The following GGNBP2 variants were observed in gnomAD, a reference collection of about 807,000 sequenced individuals.
The protein encoded by GGNBP2 is gametogenetin binding protein 2, also known as gametogenetin-binding protein 2.
A neutral mutation model predicts 85.9 loss-of-function variants in GGNBP2; 10 were observed. That is an observed-to-expected ratio of 0.12 (90% CI 0.07 to 0.20). GGNBP2 has a LOEUF of 0.20. Among genes scored for constraint, GGNBP2 ranks in the 10% least tolerant of loss-of-function variants. GGNBP2 has a pLI of 1.00. For missense variants in GGNBP2, 595 were observed against 857.8 expected, an observed-to-expected ratio of 0.69 and a Z score of 3.83; for synonymous variants, 287 against 285.7, an observed-to-expected ratio of 1.00 and a Z score of -0.05.
chr17:36,585,853 C>T lies in GGNBP2; in HGVS notation c.1380C>T (p.His460=), dbSNP rs774345453. The T allele has an allele frequency of 1.2e-6, 2 of 1,612,940 alleles. No homozygotes were observed. Among genetic ancestry groups the T allele is most frequent in the Admixed American group, 1.7e-5 (1 of 59,996 alleles). The change falls in exon 11 of 14, where the codon CAC becomes CAT. Residue 460 remains histidine, a synonymous_variant. Transcript: ENST00000613102. The part of the protein sequence containing the change: ...SPKIKKGLSP[H]CNGSDCGYSS... ...ATTTATTCTCAGGCTTATCTCCACA[C>T]TGTAATGGTAGTGATTGTGGATATT...
In GGNBP2 at chr17:36,548,944, C is replaced by CA. The variant is rs536956341; in HGVS notation, c.93+3138dup. 2.4e-3 allele frequency among the ~76,000 whole-genome samples: 347 copies of CA among 143,454 alleles called. 1 individual carries two copies. The highest frequency in any genetic ancestry group is 9.0e-3 in the South Asian group (41 of 4,558). 94.1% of individuals were successfully genotyped at this position (143,454 alleles called of 152,430 possible). On this transcript the variant is annotated intron_variant, in intron 2 of 13. Coordinates refer to ENST00000613102, the MANE Select transcript of GGNBP2 (RefSeq NM_024835.5). ...TGGGAGACAAAGTGAAACTCCGTTT[C>CA]AAAAAAAAAAATAGCCTCTTCTTTT...
chr17:36,582,939 CTA>C (rs2074665219), intron 9 of GGNBP2, among the ~76,000 whole-genome samples: 1 of 152,022 alleles, frequency 6.6e-6, no homozygotes, highest in Non-Finnish European at 1.5e-5. Context: ...ATAATGTTAA[CTA>C]AATATTTTTT....
rs760391418 is a variant in GGNBP2 at position 36,579,407 on chromosome 17, C to T, written c.1008C>T (p.Arg336=). ...MLFYLGVDAL[R]KSFEMTVEKV... ...TCTATCTTGGTGTTGATGCTTTACG[C>T]AAGAGTTTTGAGGTAAGAACAGTGG... Residue 336 remains arginine (R), a synonymous_variant, in exon 8 of 14, where the codon CGC becomes CGT. Transcript: ENST00000613102. 20 of 1,613,884 alleles carry T rather than the reference C, an allele frequency of 1.2e-5. No individual in the cohort carries two copies. In the Admixed American group the frequency reaches 3.2e-4, roughly 26 times the overall value.
chr17:36,589,493 G>T lies in GGNBP2; in HGVS notation c.*82G>T. Reference sequence around the variant, plus strand: ...TCTTTCGAAAAACTCTTAATTTAGTGACTTATGGCAAAATTTTATCTTAAA... The same window carrying T: ...TCTTTCGAAAAACTCTTAATTTAGTTACTTATGGCAAAATTTTATCTTAAA... On this transcript the variant is annotated 3_prime_UTR_variant, in exon 14 of 14. Transcript: ENST00000613102. 2 of 1,014,100 alleles carry T rather than the reference G, an allele frequency of 2.0e-6. No individual in the cohort carries two copies. The highest frequency in any genetic ancestry group is 2.8e-5 in the South Asian group (2 of 71,616). 62.8% of individuals were successfully genotyped at this position (1,014,100 alleles called of 1,614,324 possible).
intron 6 of GGNBP2, chr17:36,575,437 TG>T (rs1254130612): frequency 1.2e-5 from 2 of 166,918 alleles, no homozygotes; most frequent in African/African-American, 4.8e-5. Context: ...GTTTCCCCTA[TG>T]TTTTCTTCTA....
intron 9 of GGNBP2, among the ~76,000 whole-genome samples, chr17:36,584,823 G>A (rs2074684599): frequency 6.6e-6 from 1 of 152,092 alleles, no homozygotes; most frequent in East Asian, 1.9e-4. Flanking sequence ...GCCTGGTGGT[G>A]TGCTTCTGTA....
chr17:36,563,450 C>T (rs569847306), intron 5 of GGNBP2, among the ~76,000 whole-genome samples: 8 of 152,128 alleles, frequency 5.3e-5, no homozygotes, highest in African/African-American at 1.7e-4. Context: ...TCCCAGGCTT[C>T]GTGTTACTCT....
chr17:36,575,400 T>G, intron 6 of GGNBP2: 1 of 272,034 alleles, frequency 3.7e-6, no homozygotes, highest in Non-Finnish European at 7.2e-6. Context: ...AGCCAGGAAA[T>G]CATCACTTAG....
Position 36,578,041 on chromosome 17 carries a change from C to G in GGNBP2, c.700C>G (p.Leu234Val). The G allele has an allele frequency of 6.2e-7, 1 of 1,614,108 alleles. No individual in the cohort carries two copies. Among genetic ancestry groups the G allele is most frequent in the Non-Finnish European group, 8.5e-7 (1 of 1,180,002 alleles). ...LRAYNILIGE[L>V]DCSKEKGYCA... ...AGCATACAATATCCTTATTGGTGAACTTGACTGCAGCAAAGAAAAGGGCTA... is the reference window on the plus strand; with the variant it reads ...AGCATACAATATCCTTATTGGTGAAGTTGACTGCAGCAAAGAAAAGGGCTA... Residue 234 changes from leucine to valine, a missense_variant, in exon 7 of 14, where the codon CTT becomes GTT. Transcript: ENST00000613102.
chr17:36,551,449 C>A (rs1025627758), intron 2 of GGNBP2, among the ~76,000 whole-genome samples: 1 of 151,960 alleles, frequency 6.6e-6, no homozygotes, highest in Non-Finnish European at 1.5e-5. Context: ...GGTGATCCAC[C>A]CGCCTGGGCC....
chr17:36,574,016 C>T (rs1056363721), intron 6 of GGNBP2, among the ~76,000 whole-genome samples: 6 of 151,890 alleles, frequency 4.0e-5, no homozygotes, highest in Non-Finnish European at 7.4e-5. Flanking sequence ...TGGCTATTAA[C>T]CCCTTATTCA....
At chr17:36,549,225 C>G (rs1352394932) in intron 2 of GGNBP2, among the ~76,000 whole-genome samples, 1 of 149,996 alleles carries the variant, frequency 6.7e-6, no homozygotes, top group African/African-American at 2.5e-5. Context: ...TTTTTTGAGA[C>G]ACAGTCTCGC....
chr17:36,566,384 G>A (rs2074468779), intron 5 of GGNBP2, among the ~76,000 whole-genome samples: 1 of 152,210 alleles, frequency 6.6e-6, no homozygotes, highest in African/African-American at 2.4e-5. Context: ...ATAGGGCTGG[G>A]CTTGGTGGCT....
chr17:36,565,436 A>ATT (rs567450384), intron 5 of GGNBP2, among the ~76,000 whole-genome samples: 1 of 151,868 alleles, frequency 6.6e-6, no homozygotes. Flanking sequence ...TGAGATACAG[A>ATT]TTTTTTTTAT....
chr17:36,545,421 G>C (rs1383339052), intron 1 of GGNBP2, 198 bp from the exon 2 acceptor site: 3 of 355,814 alleles, frequency 8.4e-6, no homozygotes, highest in Admixed American at 9.6e-5. Flanking sequence ...GCGGGCGGGC[G>C]GGAGAGAGGG....
chr17:36,585,643 G>A (rs561029925), intron 10 of GGNBP2, 193 bp downstream of exon 10: 20 of 610,524 alleles, frequency 3.3e-5, no homozygotes, highest in Admixed American at 3.0e-4. Context: ...TGACAAAAAC[G>A]AAAAATGGTA....
intron 6 of GGNBP2, among the ~76,000 whole-genome samples, chr17:36,575,645 TATA>T (rs1448433061): frequency 2.9e-3 from 165 of 55,940 alleles, no homozygotes; most frequent in Non-Finnish European, 4.2e-3. Flanking sequence ...TATATATATA[TATA>T]TTTTTTTTTT....
At chr17:36,548,271 G>A (rs1395445198) in intron 2 of GGNBP2, among the ~76,000 whole-genome samples, 5 of 152,108 alleles carry the variant, frequency 3.3e-5, no homozygotes, top group Non-Finnish European at 5.9e-5. Context: ...AGTTAAACTG[G>A]CAGTTGTAAT....
intron 9 of GGNBP2, among the ~76,000 whole-genome samples, chr17:36,584,491 C>A (rs187066748): frequency 1.1e-4 from 17 of 152,188 alleles, no homozygotes; most frequent in African/African-American, 3.9e-4. Flanking sequence ...GCGCCTGCCA[C>A]CTTGCCCGGC....
Sources: allele counts gnomAD v4.1 joint callset (sites outside exome capture counted in the v4.1 genomes callset), GRCh38; gene constraint gnomAD v4.1.1; transcripts MANE v1.5; gene names NCBI Gene and HGNC (gene_info 2026-07-23, HGNC 2026-07-21).